Variants in TTN observed in about 807,000 individuals in gnomAD.
TTN encodes connectin.
TTN carries 1,525 observed loss-of-function variants against 3,223.0 expected under a neutral mutation model. The observed-to-expected ratio is 0.47, with a 90% confidence interval of 0.45 to 0.49. TTN has a LOEUF of 0.49. TTN is among the 20% of genes least tolerant of loss of function. The pLI is 0.00. For missense variants in TTN, 40,786 were observed against 43,424.0 expected (o/e 0.94, Z 5.40); for synonymous variants, 14,094 against 15,161.0 (o/e 0.93, Z 5.17).
In TTN at chr2:178,573,331, T is replaced by A; in HGVS notation, c.72801A>T (p.Gln24267His). The A allele has an allele frequency of 6.4e-7, 1 of 1,551,580 alleles. No homozygotes were observed. The highest frequency in any genetic ancestry group is 8.7e-7 in the Non-Finnish European group (1 of 1,150,074). The change falls in exon 326 of 363, where the codon CAA becomes CAT. Residue 24267 changes from glutamine to histidine, a missense_variant. Transcript: ENST00000589042. The stretch of plus-strand genomic sequence containing the variant: ...TTTTTTTGTTGCATTTAATCCAGCG[T>A]TGGCCAGCTTTATCACGCCGTTCCA... The part of the protein sequence containing the change: ...YIVERRDKAG[Q>H]RWIKCNKKTL...
At chr2:178,621,418 A>G in intron 245 of TTN, 50 bp from the exon 246 acceptor site, 1 of 1,606,570 alleles carries the variant, frequency 6.2e-7, no homozygotes, top group Non-Finnish European at 8.5e-7. Context: ...TTTGTACTTT[A>G]AATCTAGCAA....
chr2:178,606,085 T>C (rs2054725956), intron 278 of TTN, among the ~76,000 whole-genome samples: 2 of 152,162 alleles, frequency 1.3e-5, no homozygotes, highest in African/African-American at 2.4e-5. Flanking sequence ...GTTTTTTCTT[T>C]TATTAACAGA....
chr2:178,749,547 G>T, intron 47 of TTN: 1 of 1,612,894 alleles, frequency 6.2e-7, no homozygotes. Context: ...TCATAAAAAT[G>T]TGCCCTTACA....
Position 178,591,445 on chromosome 2 carries a change from T to C in TTN, c.60280A>G (p.Thr20094Ala). 1.9e-6 allele frequency: 3 copies of C among 1,601,138 alleles called. No individual in the cohort carries two copies. Among genetic ancestry groups the C allele is most frequent in the Non-Finnish European group, 1.7e-6 (2 of 1,174,618 alleles). The change falls in exon 304 of 363, where the codon ACC (threonine) becomes GCC (alanine). Residue 20094 changes from threonine (T) to alanine (A), a missense_variant. Transcript: ENST00000589042. ...ATAATAGCAGGGAATCTGACTGTGG[T>C]TCCAGCCTTTACCACAAGACCTTCA... ...LIEGLVVKAGTTVRFPAIIRG... is the reference protein window; with the variant it reads ...LIEGLVVKAGATVRFPAIIRG...
At position 178,703,859 on chromosome 2, in the gene TTN, G is replaced by A. The variant is rs144160791; in HGVS notation, c.30223+288C>T. 8.5e-3 allele frequency among the ~76,000 whole-genome samples: 1,301 copies of A among 152,238 alleles called. 12 individuals carry two copies. Among genetic ancestry groups the A allele is most frequent in the Non-Finnish European group, 0.015 (1,044 of 68,008 alleles). On this transcript the variant is annotated intron_variant, in intron 106 of 362. Coordinates refer to ENST00000589042, the MANE Select transcript of TTN (RefSeq NM_001267550.2). ...TCCTAGCTTTCTTTCTACAATCCTAGATATGAGAATCATGAAATTTAGACT... is the reference window on the plus strand; with the variant it reads ...TCCTAGCTTTCTTTCTACAATCCTAAATATGAGAATCATGAAATTTAGACT...
Position 178,539,735 on chromosome 2 carries a change from A to C in TTN, c.98330T>G (p.Leu32777Arg), listed in dbSNP as rs1553510213. 2 of 1,613,794 alleles carry C rather than the reference A, an allele frequency of 1.2e-6. No individual in the cohort carries two copies. The highest frequency in any genetic ancestry group is 1.7e-6 in the Non-Finnish European group (2 of 1,179,784). Residue 32777 changes from leucine (L) to arginine (R), a missense_variant, in exon 352 of 363, where the codon CTG (leucine) becomes CGG (arginine). Physicochemically the swap from Leu to Arg is moderately radical, Grantham distance 102 (BLOSUM62 -2). Transcript: ENST00000589042. ...AGCCTTCTTGCCACATTTATTTTCC[A>C]GAACCAGGTCATAAGTGCCAGAATC... Reference protein sequence around the residue: ...RGDSGTYDLVLENKCGKKAVY... With the variant: ...RGDSGTYDLVRENKCGKKAVY...
At chr2:178,750,758 T>A (rs1482348773) in intron 47 of TTN, 1 of 1,613,072 alleles carries the variant, frequency 6.2e-7, no homozygotes, top group Admixed American at 1.7e-5. Context: ...ACCAAAAGAT[T>A]CGCTGGCATG....
Position 178,636,747 on chromosome 2 carries a change from C to A in TTN, c.40980G>T (p.Arg13660Ser). The change falls in exon 225 of 363, where the codon AGG becomes AGT. Residue 13660 changes from arginine (R) to serine (S), a missense_variant. Physicochemically the swap from Arg to Ser is moderately radical, Grantham distance 110 (BLOSUM62 -1). Coordinates refer to ENST00000589042, the MANE Select transcript of TTN (RefSeq NM_001267550.2). This position sits in a 1 kb window ranked among gnomAD's most constrained non-coding sequence, Gnocchi z 4.3. ...GAGGTTTCTCTCCACCACTTCCTGGCCTTAACTTTCTCCTTTCGGCTTCTA... is the reference window on the plus strand; with the variant it reads ...GAGGTTTCTCTCCACCACTTCCTGGACTTAACTTTCTCCTTTCGGCTTCTA... ...SPIEAERRKLRPGSGGEKPPD... is the reference protein window; with the variant it reads ...SPIEAERRKLSPGSGGEKPPD... 1 of 1,610,228 alleles carries A rather than the reference C, an allele frequency of 6.2e-7. No individual in the cohort carries two copies. The highest frequency in any genetic ancestry group is 2.2e-5 in the East Asian group (1 of 44,680).
chr2:178,689,627 A>G (rs770215516), intron 122 of TTN, 32 bp from the exon 123 acceptor site: 20 of 1,569,654 alleles, frequency 1.3e-5, no homozygotes, highest in Admixed American at 1.9e-5. Context: ...TTGACTTTAT[A>G]TTTTCTAAAG....
chr2:178,592,821 T>C lies in TTN; in HGVS notation c.59298A>G (p.Ser19766=). 1 of 1,613,532 alleles carries C rather than the reference T, an allele frequency of 6.2e-7. No individual in the cohort carries two copies. Among genetic ancestry groups the C allele is most frequent in the Non-Finnish European group, 8.5e-7 (1 of 1,179,622 alleles). ...RVLAVNAAGE[S]DPAHVPEPVL... ...CTGGCTCCGGAACATGAGCTGGATC[T>C]GATTCACCAGCTGCATTGACTGCTA... Residue 19766 remains serine, a synonymous_variant, in exon 300 of 363, where the codon TCA becomes TCG. Transcript: ENST00000589042.
At position 178,551,237 on chromosome 2, in the gene TTN, T is replaced by C. The variant is rs766841800; in HGVS notation, c.91294A>G (p.Ile30432Val). ...PVDPPGTPDY[I>V]DVTRETITLK... ...GTGATGGTTTCCCGGGTGACATCAA[T>C]GTAGTCAGGAGTGCCAGGTGGGTCT... is the stretch of plus-strand genomic sequence containing the variant. The change falls in exon 336 of 363, where the codon ATT becomes GTT. Residue 30432 changes from isoleucine (I) to valine (V), a missense_variant. Ile to Val is a conservative substitution (Grantham distance 29). Transcript: ENST00000589042. 6.2e-7 allele frequency: 1 copy of C among 1,613,114 alleles called. No individual in the cohort carries two copies. Among genetic ancestry groups the C allele is most frequent in the South Asian group, 1.1e-5 (1 of 91,042 alleles).
Position 178,618,224 on chromosome 2 carries a change from TCTA to T in TTN, c.47231_47233del (p.Val15744del). 6.2e-7 allele frequency: 1 copy of T among 1,612,796 alleles called. No homozygotes were observed. Among genetic ancestry groups the T allele is most frequent in the Non-Finnish European group, 8.5e-7 (1 of 1,179,172 alleles). Reference sequence around the variant, plus strand: ...CCTTGCTTCTACAGGATTGTCAGTTTCTACTGGCTCACCAGTGCCAACTCTGTT... The same window carrying T: ...CCTTGCTTCTACAGGATTGTCAGTTTCTGGCTCACCAGTGCCAACTCTGTT... On this transcript the variant is annotated inframe_deletion, in exon 252 of 363. Coordinates refer to ENST00000589042, the MANE Select transcript of TTN (RefSeq NM_001267550.2).
Position 178,594,599 on chromosome 2 carries a change from T to G in TTN, c.57895A>C (p.Asn19299His), listed in dbSNP as rs768931487. The G allele has an allele frequency of 2.5e-6, 4 of 1,612,346 alleles. No individual in the cohort carries two copies. In the South Asian group the frequency reaches 4.4e-5, roughly 18 times the overall value. Reference protein sequence around the residue: ...EDLEVKEVTKNTVTLTWNPPK... With the variant: ...EDLEVKEVTKHTVTLTWNPPK... ...GGATTCCAAGTCAAAGTTACAGTAT[T>G]TTTAGTAACTTCTTTGACTTCCAGG... Residue 19299 changes from asparagine to histidine, a missense_variant, in exon 296 of 363, where the codon AAT (asparagine) becomes CAT (histidine). Coordinates refer to ENST00000589042, the MANE Select transcript of TTN (RefSeq NM_001267550.2).
rs772206358 is a variant in TTN at position 178,723,855 on chromosome 2, C to T, written c.21403+1G>A. Reference sequence around the variant, plus strand: ...CCTTACAAGTTTGACTGTCTACTGACCTTGTACAGTTAGCACTGCACGACA... The same window carrying T: ...CCTTACAAGTTTGACTGTCTACTGATCTTGTACAGTTAGCACTGCACGACA... On this transcript the variant is annotated splice_donor_variant, in intron 73 of 362. Coordinates refer to ENST00000589042, the MANE Select transcript of TTN (RefSeq NM_001267550.2). LOFTEE classifies it high-confidence loss of function. 1 of 1,604,102 alleles carries T rather than the reference C, an allele frequency of 6.2e-7. No homozygotes were observed. Among genetic ancestry groups the T allele is most frequent in the Non-Finnish European group, 8.5e-7 (1 of 1,173,068 alleles).
chr2:178,665,144 C>G (rs964744119), intron 165 of TTN, among the ~76,000 whole-genome samples: 8 of 152,144 alleles, frequency 5.3e-5, no homozygotes, highest in African/African-American at 1.9e-4. Flanking sequence ...ACTCTACACT[C>G]TCATTATAAA....
At chr2:178,767,617 G>T in intron 40 of TTN, 142 bp downstream of exon 40, 1 of 1,184,254 alleles carries the variant, frequency 8.4e-7, no homozygotes, top group Non-Finnish European at 1.2e-6. Flanking sequence ...CAGCATAAGA[G>T]AGTCTAAGCC....
In TTN at chr2:178,740,729, C is replaced by T; in HGVS notation, c.12504G>A (p.Met4168Ile). The change falls in exon 48 of 363, where the codon ATG (methionine) becomes ATA (isoleucine). Residue 4168 changes from methionine (M) to isoleucine (I), a missense_variant. By Grantham distance (10) the Met-to-Ile change is conservative (BLOSUM62 1). Coordinates refer to ENST00000589042, the MANE Select transcript of TTN (RefSeq NM_001267550.2). ...QKTFSKEGIL[M>I]PEEPETQAVL... ...CTGCCTGTGTCTCAGGCTCTTCAGG[C>T]ATTAGAATACCTTCTTTGGAGAAGG... is the stretch of plus-strand genomic sequence containing the variant. The T allele has an allele frequency of 6.2e-7, 1 of 1,613,802 alleles. No individual in the cohort carries two copies. The highest frequency in any genetic ancestry group is 8.5e-7 in the Non-Finnish European group (1 of 1,179,810).
rs1689239806 is a variant in TTN, at chr2:178,531,848, T to A, written c.104767A>T (p.Thr34923Ser). ...SMKAALKTQK[T>S]SERKYEVLSQ... Reference sequence around the variant, plus strand: ...AAAACTTCATACTTCCTTTCTGATGTCTTCTGAGTTTTTAAAGCAGCTTTC... The same window carrying A: ...AAAACTTCATACTTCCTTTCTGATGACTTCTGAGTTTTTAAAGCAGCTTTC... The change falls in exon 358 of 363, where the codon ACA becomes TCA. Residue 34923 changes from threonine to serine, a missense_variant. By Grantham distance (58) the Thr-to-Ser change is moderately conservative. Coordinates refer to ENST00000589042, the MANE Select transcript of TTN (RefSeq NM_001267550.2). The A allele has an allele frequency of 6.2e-7, 1 of 1,613,834 alleles. No homozygotes were observed. The highest frequency in any genetic ancestry group is 8.5e-7 in the Non-Finnish European group (1 of 1,179,794).
At position 178,566,249 on chromosome 2, in the gene TTN, C is replaced by A. The variant is rs201091376; in HGVS notation, c.79883G>T (p.Arg26628Leu). The change falls in exon 326 of 363, where the codon CGA becomes CTA. Residue 26628 changes from arginine to leucine, a missense_variant. Coordinates refer to ENST00000589042, the MANE Select transcript of TTN (RefSeq NM_001267550.2). ...GRPTPEITWS[R>L]EEGEFTDKVQ... is the part of the protein sequence containing the mutation. ...CTTATCTGTGAATTCACCTTCCTCTCGAGACCAAGTGATCTCAGGCGTTGG... is the reference window on the plus strand; with the variant it reads ...CTTATCTGTGAATTCACCTTCCTCTAGAGACCAAGTGATCTCAGGCGTTGG... 1.9e-6 allele frequency: 3 copies of A among 1,613,558 alleles called. No individual in the cohort carries two copies. Among genetic ancestry groups the A allele is most frequent in the African/African-American group, 2.7e-5 (2 of 74,890 alleles).
Sources: allele counts gnomAD v4.1 joint callset (sites outside exome capture counted in the v4.1 genomes callset), GRCh38; gene constraint gnomAD v4.1.1; non-coding constraint Gnocchi (gnomAD v3.1); transcripts MANE v1.5; gene names NCBI Gene and HGNC (gene_info 2026-07-23, HGNC 2026-07-21).